Variants in NEDD4L observed in about 807,000 individuals in gnomAD.
NEDD4L encodes E3 ubiquitin-protein ligase NEDD4-like.
NEDD4L carries 54 observed loss-of-function variants against 148.9 expected under a neutral mutation model. The ratio of observed to expected loss-of-function variants is 0.36; its 90% CI spans 0.29 to 0.45. The LOEUF (loss-of-function observed/expected upper bound fraction) is 0.45, where lower values mean the gene tolerates loss of function less well. Among genes scored for constraint, NEDD4L ranks in the 20% least tolerant of loss-of-function variants. The pLI, the probability that NEDD4L is intolerant of heterozygous loss-of-function variation, is 1.00. For missense variants in NEDD4L, 856 were observed against 1,233.8 expected (o/e 0.69, Z 4.59); for synonymous variants, 433 against 440.7 (o/e 0.98, Z 0.22).
At chr18:58,100,997 G>T (rs111573685) in intron 1 of NEDD4L, among the ~76,000 whole-genome samples, 2,113 of 152,186 alleles carry the variant, frequency 0.014, 51 homozygotes, top group African/African-American at 0.048. Flanking sequence ...GTAGAGATGA[G>T]GTCTCACTGG....
chr18:58,218,435 A>C (rs1305946765), intron 2 of NEDD4L, among the ~76,000 whole-genome samples: 4 of 152,176 alleles, frequency 2.6e-5, no homozygotes, highest in Non-Finnish European at 5.9e-5. Flanking sequence ...TTTAGAAAAA[A>C]TTCCAAGGGA....
Position 58,228,195 on chromosome 18 carries a change from A to C in NEDD4L, c.123-17232A>C, listed in dbSNP as rs906703235. On this transcript the variant is annotated intron_variant, in intron 2 of 30. Transcript: ENST00000400345. ...GGAATGTGATGCACACAAGTGACCA[A>C]GGCATGGCCCTGTTCGCAAGGAGCT... Among the ~76,000 whole-genome samples, 3 of 152,340 alleles carry C rather than the reference A, an allele frequency of 2.0e-5. No homozygotes were observed. The East Asian group carries it at 5.8e-4, about 29-fold the overall frequency.
chr18:58,098,925 C>G (rs1335823751), intron 1 of NEDD4L, among the ~76,000 whole-genome samples: 1 of 152,178 alleles, frequency 6.6e-6, no homozygotes, highest in African/African-American at 2.4e-5. Flanking sequence ...TCAGTAAATG[C>G]TAAACCATGT....
intron 2 of NEDD4L, among the ~76,000 whole-genome samples, chr18:58,199,459 A>C (rs2041146313): frequency 6.6e-6 from 1 of 152,152 alleles, no homozygotes; most frequent in African/African-American, 2.4e-5. Flanking sequence ...CACAGCCTAA[A>C]GCGTCGGTAC....
At chr18:58,348,351 A>C (rs1174929489) in intron 16 of NEDD4L, among the ~76,000 whole-genome samples, 1 of 31,464 alleles carries the variant, frequency 3.2e-5, no homozygotes, top group Admixed American at 4.1e-4. Flanking sequence ...TTTTTTTTTG[A>C]GACGGAGTCT....
At chr18:58,109,928 A>AACTG (rs1424548726) in intron 1 of NEDD4L, among the ~76,000 whole-genome samples, 2 of 152,164 alleles carry the variant, frequency 1.3e-5, no homozygotes, top group African/African-American at 4.8e-5. Context: ...AGGAAGACCA[A>AACTG]ACTGACAGCA....
Position 58,366,682 on chromosome 18 carries a change from C to T in NEDD4L, c.2063+454C>T, listed in dbSNP as rs2075409. The T allele has an allele frequency of 0.29, 45,091 of 153,110 alleles. 6,849 individuals carry two copies. The highest frequency in any genetic ancestry group is 0.39 in the Middle Eastern group (116 of 296). The allele number at this position is 153,110 out of a possible 1,614,324, so 9.5% of individuals were successfully genotyped here. On this transcript the variant is annotated intron_variant, in intron 21 of 30. Coordinates refer to ENST00000400345, the MANE Select transcript of NEDD4L (RefSeq NM_001144967.3). The surrounding 1 kb of genome is among the most constrained non-coding windows in gnomAD (Gnocchi z 4.2). ...CCTGTAAGGAAAGAACCAGGTTTCC[C>T]CTTGCATTAGGATTTCATCATTGCC... is the stretch of plus-strand genomic sequence containing the variant.
At chr18:58,094,430 G>A (rs2084257750) in intron 1 of NEDD4L, among the ~76,000 whole-genome samples, 1 of 151,992 alleles carries the variant, frequency 6.6e-6, no homozygotes, top group African/African-American at 2.4e-5. Flanking sequence ...CAAGCGATCT[G>A]CCCGCCTCAG....
intron 24 of NEDD4L, among the ~76,000 whole-genome samples, chr18:58,382,955 T>G (rs1336328336): frequency 6.6e-6 from 1 of 152,252 alleles, no homozygotes; most frequent in Non-Finnish European, 1.5e-5. Flanking sequence ...AGTTTCCTGA[T>G]AAATGAATAG....
intron 2 of NEDD4L, among the ~76,000 whole-genome samples, chr18:58,198,157 C>T (rs1006450505): frequency 2.0e-5 from 3 of 152,074 alleles, no homozygotes; most frequent in East Asian, 1.9e-4. Flanking sequence ...ATGTTTATGT[C>T]GAGAACTTTA....
intron 5 of NEDD4L, among the ~76,000 whole-genome samples, chr18:58,267,614 T>C (rs2050406855): frequency 6.6e-6 from 1 of 152,030 alleles, no homozygotes; most frequent in Non-Finnish European, 1.5e-5. Flanking sequence ...GTCTCCCCCT[T>C]AGTACTTAGC....
chr18:58,230,011 A>G lies in NEDD4L; in HGVS notation c.123-15416A>G, dbSNP rs1471016831. The stretch of plus-strand genomic sequence containing the variant: ...CTCAAAAAAACAAAACAAACAAACA[A>G]AAAAGGAAAGCTTTTTCAGGTTGGA... On this transcript the variant is annotated intron_variant, in intron 2 of 30. Transcript: ENST00000400345. Among the ~76,000 whole-genome samples, 5 of 152,114 alleles carry G rather than the reference A, an allele frequency of 3.3e-5. No individual in the cohort carries two copies. In the South Asian group the frequency reaches 6.2e-4, roughly 19 times the overall value.
rs537233805 is a variant in NEDD4L at position 58,383,283 on chromosome 18, T to C, written c.2390T>C (p.Ile797Thr). The C allele has an allele frequency of 6.5e-7, 1 of 1,543,818 alleles. No individual in the cohort carries two copies. Among genetic ancestry groups the C allele is most frequent in the South Asian group, 1.2e-5 (1 of 83,948 alleles). Reference protein sequence around the residue: ...QVDLKPNGSEIMVTNENKREY... With the variant: ...QVDLKPNGSETMVTNENKREY... Reference sequence around the variant, plus strand: ...GATTTGAAGCCCAATGGGTCAGAAATAATGGTCACAAATGAAAACAAAAGG... The same window carrying C: ...GATTTGAAGCCCAATGGGTCAGAAACAATGGTCACAAATGAAAACAAAAGG... The change falls in exon 25 of 31, where the codon ATA (isoleucine) becomes ACA (threonine). Residue 797 changes from isoleucine (I) to threonine (T), a missense_variant. Around this residue, in one of 4 missense-constraint regions of NEDD4L, gnomAD observed 286 missense variants for 531.8 expected, o/e 0.54. Coordinates refer to ENST00000400345, the MANE Select transcript of NEDD4L (RefSeq NM_001144967.3).
intron 2 of NEDD4L, among the ~76,000 whole-genome samples, chr18:58,202,263 G>A (rs905524209): frequency 2.0e-5 from 3 of 152,214 alleles, no homozygotes; most frequent in Non-Finnish European, 2.9e-5. Context: ...AGGGAGAGCC[G>A]GAAGCCCAGG....
At chr18:58,112,252 TG>T (rs1294784516) in intron 1 of NEDD4L, among the ~76,000 whole-genome samples, 1 of 152,220 alleles carries the variant, frequency 6.6e-6, no homozygotes, top group Non-Finnish European at 1.5e-5. Flanking sequence ...ACAAGTTTAG[TG>T]GCTTAAACTT....
At chr18:58,086,490 G>A (rs375683295) in intron 1 of NEDD4L, among the ~76,000 whole-genome samples, 6 of 152,124 alleles carry the variant, frequency 3.9e-5, no homozygotes, top group African/African-American at 1.4e-4. Flanking sequence ...CTATTTGAAT[G>A]TATTACTCAT....
chr18:58,367,926 T>G (rs2046330194), intron 22 of NEDD4L, 59 bp downstream of exon 22: 12 of 1,580,884 alleles, frequency 7.6e-6, no homozygotes, highest in African/African-American at 5.4e-5. Context: ...AGTAGGTGTC[T>G]TATCTTTCGC....
chr18:58,385,456 TG>T, intron 25 of NEDD4L, 69 bp from the exon 26 acceptor site: 3 of 1,237,796 alleles, frequency 2.4e-6, no homozygotes, highest in Non-Finnish European at 3.6e-6. Flanking sequence ...AAGCACTCCC[TG>T]TTGCGGAGAA....
intron 16 of NEDD4L, among the ~76,000 whole-genome samples, chr18:58,343,732 A>G (rs1441979155): frequency 6.6e-6 from 1 of 152,238 alleles, no homozygotes; most frequent in Non-Finnish European, 1.5e-5. Flanking sequence ...GAATCTGTAC[A>G]TTGTATTATC....
Sources: allele counts gnomAD v4.1 joint callset (sites outside exome capture counted in the v4.1 genomes callset), GRCh38; gene constraint gnomAD v4.1.1; regional missense constraint gnomAD v4.1.1; non-coding constraint Gnocchi (gnomAD v3.1); transcripts MANE v1.5; gene names NCBI Gene and HGNC (gene_info 2026-07-23, HGNC 2026-07-21).